Variants in NLRP13 observed in about 807,000 individuals in gnomAD.
NLRP13 encodes NACHT, LRR and PYD domains-containing protein 13.
Under a neutral mutation model 94.4 loss-of-function variants are expected in NLRP13, and 82 were observed. That is an observed-to-expected ratio of 0.87 (90% confidence interval 0.73 to 1.04). NLRP13 has a LOEUF of 1.04. NLRP13 is among the 50% of genes least tolerant of loss of function. The pLI, the probability that NLRP13 is intolerant of heterozygous loss-of-function variation, is 0.00. For synonymous variants in NLRP13, 553 were observed against 464.7 expected (o/e 1.19, Z -2.45); for missense variants, 1,426 against 1,230.8 (o/e 1.16, Z -2.37).
chr19:55,931,718 A>AGACAGAAAGAAAGAAAGACAG, intron 1 of NLRP13, among the ~76,000 whole-genome samples: 7 of 96,058 alleles, frequency 7.3e-5, no homozygotes, highest in African/African-American at 2.9e-4. Flanking sequence ...TCAAAAAAAA[A>AGACAGAAAGAAAGAAAGACAG]AAAAAAAGAA....
intron 6 of NLRP13, among the ~76,000 whole-genome samples, chr19:55,909,991 G>A (rs546998802): frequency 3.9e-5 from 6 of 152,108 alleles, no homozygotes; most frequent in Admixed American, 2.0e-4. Context: ...TCCTTTCTGA[G>A]CCCCCAGTTT....
chr19:55,905,533 T>C (rs1986321082), intron 7 of NLRP13, among the ~76,000 whole-genome samples: 1 of 151,614 alleles, frequency 6.6e-6, no homozygotes, highest in African/African-American at 2.4e-5. Context: ...GCACCTGTAG[T>C]CCCAGCTACT....
At chr19:55,917,772 A>G (rs1011564639) in intron 4 of NLRP13, among the ~76,000 whole-genome samples, 1 of 152,070 alleles carries the variant, frequency 6.6e-6, no homozygotes, top group Non-Finnish European at 1.5e-5. Flanking sequence ...TAGATTCATA[A>G]AACAAATATT....
chr19:55,895,640 A>T (rs1300622382), downstream of NLRP13, among the ~76,000 whole-genome samples: 2 of 150,830 alleles, frequency 1.3e-5, no homozygotes, highest in Non-Finnish European at 3.0e-5. Flanking sequence ...TCAAGATGAC[A>T]CAACTGCACT....
intron 5 of NLRP13, 25 bp from the exon 6 acceptor site, chr19:55,910,758 G>T: frequency 6.4e-7 from 1 of 1,568,234 alleles, no homozygotes; most frequent in Non-Finnish European, 8.7e-7. Flanking sequence ...GACAGAACAC[G>T]GATAAGAGCA....
rs114776499 is a variant in NLRP13, at chr19:55,907,414, G to C, written c.2447+378C>G. On this transcript the variant is annotated intron_variant, in intron 7 of 10. Transcript: ENST00000342929. ...TGGCAAAACCCCATTTCTACAAAAA[G>C]TACAAAAATTCACTGGGTGTGGTGG... Among the ~76,000 whole-genome samples, 743 of 152,034 alleles carry C rather than the reference G, an allele frequency of 4.9e-3. 9 individuals carry two copies. The highest frequency in any genetic ancestry group is 0.017 in the African/African-American group (695 of 41,382).
intron 4 of NLRP13, among the ~76,000 whole-genome samples, chr19:55,916,333 C>A (rs2123130832): frequency 6.6e-6 from 1 of 152,162 alleles, no homozygotes; most frequent in Non-Finnish European, 1.5e-5. Context: ...ATGATACCCC[C>A]AAAGGATTGT....
At chr19:55,919,665 T>G (rs916029087) in intron 4 of NLRP13, among the ~76,000 whole-genome samples, 1 of 151,674 alleles carries the variant, frequency 6.6e-6, no homozygotes, top group Non-Finnish European at 1.5e-5. Flanking sequence ...AGGTGAAAGA[T>G]CTCCACAAGG....
intron 9 of NLRP13, among the ~76,000 whole-genome samples, chr19:55,899,945 T>C (rs1986119451): frequency 1.1e-5 from 1 of 88,540 alleles, no homozygotes; most frequent in African/African-American, 5.2e-5. Flanking sequence ...AGCAGGAATA[T>C]AATTGTTGTT....
intron 4 of NLRP13, among the ~76,000 whole-genome samples, chr19:55,920,335 A>T (rs143863891): frequency 3.4e-4 from 52 of 152,328 alleles, no homozygotes; most frequent in African/African-American, 1.2e-3. Flanking sequence ...GATATGCCTT[A>T]ATTAAGAAGT....
chr19:55,902,139 C>T lies in NLRP13; in HGVS notation c.2685G>A (p.Arg895=), dbSNP rs945780033. The part of the protein sequence containing the change: ...KHLSDALLQN[R]SLTHLNLSKN... ...TGCTCAGATTCAGGTGTGTCAGGCT[C>T]CTGTTCTGCAGGAGAGCATCTGACA... The change falls in exon 9 of 11, where the codon AGG becomes AGA. Residue 895 remains arginine, a synonymous_variant. Coordinates refer to ENST00000342929, the MANE Select transcript of NLRP13 (RefSeq NM_176810.2). The T allele has an allele frequency of 6.2e-7, 1 of 1,614,104 alleles. No homozygotes were observed. Among genetic ancestry groups the T allele is most frequent in the Non-Finnish European group, 8.5e-7 (1 of 1,179,980 alleles).
intron 2 of NLRP13, 56 bp downstream of exon 2, chr19:55,924,911 G>T: frequency 7.1e-7 from 1 of 1,415,142 alleles, no homozygotes; most frequent in Non-Finnish European, 1.0e-6. Context: ...GTGGACCAGT[G>T]AATGAGTGCT....
At chr19:55,909,693 T>C (rs1600266606) in intron 6 of NLRP13, among the ~76,000 whole-genome samples, 1 of 152,228 alleles carries the variant, frequency 6.6e-6, no homozygotes, top group African/African-American at 2.4e-5. Flanking sequence ...CACCAGGTTG[T>C]AGCAGCTGGC....
intron 9 of NLRP13, among the ~76,000 whole-genome samples, chr19:55,901,740 G>A (rs189960440): frequency 6.6e-6 from 1 of 152,222 alleles, no homozygotes; most frequent in East Asian, 1.9e-4. Flanking sequence ...TTGCTGATCT[G>A]CCTTGTGTCC....
chr19:55,895,296 C>T (rs1236169909), downstream of NLRP13, among the ~76,000 whole-genome samples: 3 of 152,036 alleles, frequency 2.0e-5, 1 homozygote, highest in African/African-American at 7.2e-5. Flanking sequence ...CCAAGAGAAT[C>T]ACTTGAACCA....
At chr19:55,918,543 C>T (rs1214957400) in intron 4 of NLRP13, among the ~76,000 whole-genome samples, 1 of 151,780 alleles carries the variant, frequency 6.6e-6, no homozygotes, top group Non-Finnish European at 1.5e-5. Flanking sequence ...AAAAAGGAAA[C>T]ATTACAACTG....
At chr19:55,894,426 G>C (rs1200160055), downstream of NLRP13, among the ~76,000 whole-genome samples, 1 of 152,122 alleles carries the variant, frequency 6.6e-6, no homozygotes, top group African/African-American at 2.4e-5. Flanking sequence ...TGCCTCAAAG[G>C]GGCAACATAA....
chr19:55,904,370 G>C (rs11882060), intron 8 of NLRP13, among the ~76,000 whole-genome samples: 6,843 of 152,164 alleles, frequency 0.045, 382 homozygotes, highest in East Asian at 0.27. Context: ...TTACAGGTGT[G>C]AGCCACCTTG....
chr19:55,915,454 C>T (rs1019514384), intron 4 of NLRP13, among the ~76,000 whole-genome samples: 7 of 151,952 alleles, frequency 4.6e-5, no homozygotes, highest in African/African-American at 1.7e-4. Flanking sequence ...AAAGATTAGC[C>T]AGGCATGGTG....
Sources: allele counts gnomAD v4.1 joint callset (sites outside exome capture counted in the v4.1 genomes callset), GRCh38; gene constraint gnomAD v4.1.1; transcripts MANE v1.5; gene names NCBI Gene and HGNC (gene_info 2026-07-23, HGNC 2026-07-21).